Variants in CERS3 observed in about 807,000 individuals in gnomAD.
CERS3 encodes the protein ceramide synthase 3.
A neutral mutation model predicts 50.3 loss-of-function variants in CERS3; 33 were observed. The observed-to-expected ratio is 0.66, with a 90% CI of 0.50 to 0.88. CERS3 has a LOEUF of 0.88. CERS3 is among the 40% of genes least tolerant of loss of function. The probability of loss-of-function intolerance (pLI) is 0.00; values close to 1 mark genes in which losing one functional copy is unlikely to be tolerated. For missense variants in CERS3, 470 were observed against 460.3 expected (o/e 1.02, Z -0.19); for synonymous variants, 176 against 155.2 (o/e 1.13, Z -0.99).
At chr15:100,518,868 A>T (rs901335327) in intron 2 of CERS3, among the ~76,000 whole-genome samples, 4 of 152,188 alleles carry the variant, frequency 2.6e-5, no homozygotes, top group East Asian at 1.9e-4. Context: ...ATTTTATTTT[A>T]AAAAATTCCA....
chr15:100,474,723 A>T (rs2035072409), intron 8 of CERS3, among the ~76,000 whole-genome samples: 1 of 152,246 alleles, frequency 6.6e-6, no homozygotes, highest in African/African-American at 2.4e-5. Context: ...TTTTATACAG[A>T]TTAACCTGTT....
At chr15:100,423,439 TA>T (rs1169304112) in intron 11 of CERS3, among the ~76,000 whole-genome samples, 8 of 152,218 alleles carry the variant, frequency 5.3e-5, no homozygotes, top group Admixed American at 5.2e-4. Flanking sequence ...TATACAGCCA[TA>T]AAAAAGAACA....
At chr15:100,405,976 T>C (rs2030994349) in intron 11 of CERS3, among the ~76,000 whole-genome samples, 1 of 152,260 alleles carries the variant, frequency 6.6e-6, no homozygotes, top group Admixed American at 6.5e-5. Flanking sequence ...TTTTCTATTT[T>C]CTTCATGCAA....
At chr15:100,404,825 T>C (rs1271417490) in intron 11 of CERS3, among the ~76,000 whole-genome samples, 1 of 152,166 alleles carries the variant, frequency 6.6e-6, no homozygotes, top group Non-Finnish European at 1.5e-5. Context: ...TCCACACAAA[T>C]ATGGCTGATT....
At chr15:100,521,188 G>A (rs2036628974) in intron 2 of CERS3, among the ~76,000 whole-genome samples, 1 of 152,144 alleles carries the variant, frequency 6.6e-6, no homozygotes, top group South Asian at 2.1e-4. Context: ...GTCAATATTT[G>A]CGAACATGCT....
chr15:100,435,628 C>G (rs2033365435), intron 11 of CERS3, among the ~76,000 whole-genome samples: 1 of 152,140 alleles, frequency 6.6e-6, no homozygotes, highest in African/African-American at 2.4e-5. Flanking sequence ...CAAATGGGAT[C>G]TAATTAAACT....
intron 1 of CERS3, among the ~76,000 whole-genome samples, chr15:100,525,803 T>C (rs1229518110): frequency 6.6e-6 from 1 of 152,248 alleles, no homozygotes; most frequent in Non-Finnish European, 1.5e-5. Context: ...TGTAAAATGA[T>C]GGGCTTGATT....
At position 100,423,794 on chromosome 15, in the gene CERS3, T is replaced by G. The variant is rs534806685; in HGVS notation, c.1000-20929A>C. Among the ~76,000 whole-genome samples the G allele has an allele frequency of 5.3e-4, 80 of 152,272 alleles. 1 individual carries two copies. The highest frequency in any genetic ancestry group is 1.9e-3 in the African/African-American group (77 of 41,548). ...GCTCCTCTTCCCCCTACTCCAGCCA[T>G]GTAAGATGTGCCTGCTTCCTCTTCA... On this transcript the variant is annotated intron_variant, in intron 11 of 11. Coordinates refer to ENST00000679737, the MANE Select transcript of CERS3 (RefSeq NM_001378789.1).
At chr15:100,434,218 C>G (rs577657366) in intron 11 of CERS3, among the ~76,000 whole-genome samples, 9 of 152,218 alleles carry the variant, frequency 5.9e-5, no homozygotes. Context: ...ACAGGCATTC[C>G]ATGATGTCTT....
chr15:100,501,078 C>G (rs955015581), intron 3 of CERS3, among the ~76,000 whole-genome samples: 1 of 152,106 alleles, frequency 6.6e-6, no homozygotes, highest in Non-Finnish European at 1.5e-5. Context: ...GAAATAATAT[C>G]CATTTAAATT....
chr15:100,411,797 C>T (rs559571510), intron 11 of CERS3, among the ~76,000 whole-genome samples: 3 of 152,188 alleles, frequency 2.0e-5, no homozygotes, highest in Admixed American at 1.3e-4. Context: ...TTAATAGTAA[C>T]CCTCCTAATA....
chr15:100,513,549 T>C (rs956466384), intron 2 of CERS3, among the ~76,000 whole-genome samples: 43 of 151,256 alleles, frequency 2.8e-4, no homozygotes, highest in African/African-American at 1.0e-3. Flanking sequence ...TCTTTTTTTT[T>C]TTTTTTGAGA....
intron 11 of CERS3, among the ~76,000 whole-genome samples, chr15:100,422,919 A>T (rs1251590620): frequency 9.7e-6 from 1 of 102,796 alleles, no homozygotes; most frequent in Admixed American, 1.4e-4. Flanking sequence ...GGAATATCAC[A>T]CTCTGGGGAC....
chr15:100,504,351 C>A (rs944562186), intron 2 of CERS3, among the ~76,000 whole-genome samples: 4 of 149,558 alleles, frequency 2.7e-5, no homozygotes, highest in Non-Finnish European at 5.9e-5. Context: ...TCAAGCAATT[C>A]TCCTGCCTCA....
intron 11 of CERS3, among the ~76,000 whole-genome samples, chr15:100,453,496 T>C (rs1233182882): frequency 6.6e-6 from 1 of 152,178 alleles, no homozygotes; most frequent in Non-Finnish European, 1.5e-5. Context: ...AGAGGGAACA[T>C]AACTGAACAT....
At chr15:100,413,561 A>AC (rs1271557732) in intron 11 of CERS3, among the ~76,000 whole-genome samples, 19 of 148,996 alleles carry the variant, frequency 1.3e-4, no homozygotes, top group African/African-American at 3.9e-4. Context: ...ACTATACTAT[A>AC]TGCTCAATCT....
upstream of CERS3, among the ~76,000 whole-genome samples, chr15:100,532,723 C>G (rs1022190558): frequency 6.6e-6 from 1 of 152,172 alleles, no homozygotes; most frequent in Non-Finnish European, 1.5e-5. Flanking sequence ...CGGCCCAATA[C>G]ACTCCAGACT....
chr15:100,494,310 T>C (rs2035747612), intron 3 of CERS3, among the ~76,000 whole-genome samples: 1 of 146,154 alleles, frequency 6.8e-6, no homozygotes, highest in Non-Finnish European at 1.5e-5. Flanking sequence ...TGCAGTGGCA[T>C]GATCTCAGCT....
chr15:100,515,634 C>T (rs73475729), intron 2 of CERS3, among the ~76,000 whole-genome samples: 1,296 of 112,832 alleles, frequency 0.011, 23 homozygotes, highest in African/African-American at 0.036. Flanking sequence ...AGTCACAGAA[C>T]AGATAGGTCT....
Sources: gnomAD v4.1 joint callset for allele counts (sites outside exome capture counted in the v4.1 genomes callset) on GRCh38, gnomAD v4.1.1 for gene constraint, MANE v1.5 for transcripts, NCBI Gene and HGNC (gene_info 2026-07-23, HGNC 2026-07-21) for gene names.